CCSER1: variants seen among roughly 807,000 people sequenced by gnomAD.
CCSER1 encodes the protein coiled-coil serine rich protein 1, also known as serine-rich coiled-coil domain-containing protein 1.
Under a neutral mutation model 82.0 loss-of-function variants are expected in CCSER1, and 41 were observed. The ratio of observed to expected loss-of-function variants is 0.50; its 90% CI spans 0.39 to 0.65. The LOEUF is 0.65. CCSER1 is among the 30% of genes least tolerant of loss of function. The pLI, the probability that CCSER1 is intolerant of heterozygous loss-of-function variation, is 0.00. For missense variants in CCSER1, 1,119 were observed against 1,064.2 expected (o/e 1.05, Z -0.72); for synonymous variants, 414 against 383.9 (o/e 1.08, Z -0.92).
At chr4:91,542,195 G>T (rs1761638785) in intron 10 of CCSER1, among the ~76,000 whole-genome samples, 1 of 152,100 alleles carries the variant, frequency 6.6e-6, no homozygotes, top group Admixed American at 6.6e-5. Flanking sequence ...TCACTCTGAT[G>T]GCAGTTTCTT....
intron 10 of CCSER1, among the ~76,000 whole-genome samples, chr4:91,595,844 A>C (rs113368790): frequency 3.4e-4 from 51 of 151,038 alleles, no homozygotes; most frequent in African/African-American, 1.2e-3. Context: ...AAATGAATTC[A>C]TATATATCTG....
intron 1 of CCSER1, among the ~76,000 whole-genome samples, chr4:90,207,366 A>T (rs1272212905): frequency 6.6e-6 from 1 of 152,006 alleles, no homozygotes; most frequent in Non-Finnish European, 1.5e-5. Context: ...TTCTTCTCTA[A>T]ACTGGTTATT....
chr4:90,129,219 A>G (rs1722400123), intron 1 of CCSER1, among the ~76,000 whole-genome samples: 1 of 152,250 alleles, frequency 6.6e-6, no homozygotes, highest in Non-Finnish European at 1.5e-5. Context: ...AGCCTTAGGG[A>G]AAACGGATAA....
chr4:91,307,411 T>G (rs571215967), intron 10 of CCSER1, among the ~76,000 whole-genome samples: 1 of 151,898 alleles, frequency 6.6e-6, no homozygotes, highest in East Asian at 1.9e-4. Context: ...ATTATTTGAG[T>G]TTTTTAGCCC....
intron 4 of CCSER1, among the ~76,000 whole-genome samples, chr4:90,434,225 G>A (rs1279583594): frequency 6.6e-6 from 1 of 151,746 alleles, no homozygotes; most frequent in Non-Finnish European, 1.5e-5. Context: ...TTCCTTTTAA[G>A]TTAAGCAAAA....
At chr4:90,329,190 A>T (rs931781668) in intron 3 of CCSER1, among the ~76,000 whole-genome samples, 1 of 152,134 alleles carries the variant, frequency 6.6e-6, no homozygotes. Flanking sequence ...TGTCAGTTAG[A>T]TGTGATTTTA....
chr4:90,301,716 C>T (rs1733166932), intron 1 of CCSER1, among the ~76,000 whole-genome samples: 1 of 152,044 alleles, frequency 6.6e-6, no homozygotes, highest in African/African-American at 2.4e-5. Flanking sequence ...ACTATGACTT[C>T]TGAATTGAGA....
At chr4:90,598,245 A>AT (rs1560784349) in intron 5 of CCSER1, among the ~76,000 whole-genome samples, 1 of 151,862 alleles carries the variant, frequency 6.6e-6, no homozygotes, top group Non-Finnish European at 1.5e-5. Context: ...GCACCAATTT[A>AT]TTTTTTTATT....
rs1210748537 is a variant in CCSER1, at chr4:90,932,963, A to G, written c.2172+9516A>G. On this transcript the variant is annotated intron_variant, in intron 9 of 10. Coordinates refer to ENST00000509176, the MANE Select transcript of CCSER1 (RefSeq NM_001145065.2). ...GAAAGAAAGAAAGAAAGAAAGAAAG[A>G]AAGAAAGAAAGAAAGAAAGAGAAAG... 8.5e-5 allele frequency among the ~76,000 whole-genome samples: 4 copies of G among 47,156 alleles called. 1 individual carries two copies. Among genetic ancestry groups the G allele is most frequent in the Non-Finnish European group, 1.5e-4 (4 of 26,394 alleles). The allele number at this position is 47,156 out of a possible 152,430, so 30.9% of individuals were successfully genotyped here.
chr4:90,167,830 T>C (rs1263941281), intron 1 of CCSER1, among the ~76,000 whole-genome samples: 2 of 152,104 alleles, frequency 1.3e-5, no homozygotes, highest in African/African-American at 4.8e-5. Context: ...CTGCATAGTA[T>C]TCCATGGTGT....
chr4:91,508,562 T>G (rs1196924080), intron 10 of CCSER1, among the ~76,000 whole-genome samples: 1 of 151,536 alleles, frequency 6.6e-6, no homozygotes, highest in Non-Finnish European at 1.5e-5. Context: ...TCTGTAGTTT[T>G]TTTTTTTTTT....
intron 9 of CCSER1, among the ~76,000 whole-genome samples, chr4:91,008,865 T>G (rs1269169877): frequency 6.6e-6 from 1 of 152,168 alleles, no homozygotes; most frequent in African/African-American, 2.4e-5. Flanking sequence ...GCCTCATGGA[T>G]TCCAAGGAAT....
chr4:91,395,375 G>A (rs915959413), intron 10 of CCSER1, among the ~76,000 whole-genome samples: 1 of 152,044 alleles, frequency 6.6e-6, no homozygotes, highest in African/African-American at 2.4e-5. Flanking sequence ...AGATTCAGGG[G>A]ACTTGTTAGT....
intron 9 of CCSER1, among the ~76,000 whole-genome samples, chr4:91,082,272 C>A (rs1372442838): frequency 6.6e-6 from 1 of 150,636 alleles, no homozygotes; most frequent in Non-Finnish European, 1.5e-5. Flanking sequence ...ACATCTACAA[C>A]CATCTTTGAC....
intron 3 of CCSER1, among the ~76,000 whole-genome samples, chr4:90,376,107 T>A (rs935258939): frequency 2.6e-5 from 4 of 152,174 alleles, no homozygotes; most frequent in Admixed American, 2.0e-4. Context: ...GTGATCACAA[T>A]TGACCTTCAA....
chr4:91,352,088 A>G (rs1490088919), intron 10 of CCSER1, among the ~76,000 whole-genome samples: 1 of 152,238 alleles, frequency 6.6e-6, no homozygotes, highest in South Asian at 2.1e-4. Flanking sequence ...GGCTGAAAAT[A>G]GAAAACTAAA....
intron 3 of CCSER1, among the ~76,000 whole-genome samples, chr4:90,386,738 T>C (rs1056046747): frequency 1.3e-5 from 2 of 152,164 alleles, no homozygotes; most frequent in Non-Finnish European, 2.9e-5. Context: ...TATTCACACC[T>C]ACTTTAGATG....
At chr4:90,241,123 G>T (rs1269528118) in intron 1 of CCSER1, among the ~76,000 whole-genome samples, 2 of 152,162 alleles carry the variant, frequency 1.3e-5, no homozygotes, top group African/African-American at 2.4e-5. Context: ...TGATGATAGG[G>T]CACTAAGGAG....
At chr4:90,441,482 T>C (rs924594935) in intron 4 of CCSER1, among the ~76,000 whole-genome samples, 11 of 152,082 alleles carry the variant, frequency 7.2e-5, no homozygotes, top group Non-Finnish European at 5.9e-5. Context: ...GGGTCTTTTT[T>C]TTAAGGGCAC....
Sources: allele counts gnomAD v4.1 joint callset (sites outside exome capture counted in the v4.1 genomes callset), GRCh38; gene constraint gnomAD v4.1.1; transcripts MANE v1.5; gene names NCBI Gene and HGNC (gene_info 2026-07-23, HGNC 2026-07-21).